C2CD3: variants seen among roughly 807,000 people sequenced by gnomAD.
C2CD3 encodes C2 domain-containing protein 3.
C2CD3 carries 148 observed loss-of-function variants against 234.0 expected under a neutral mutation model. The ratio of observed to expected loss-of-function variants is 0.63; its 90% CI spans 0.55 to 0.72. The LOEUF (loss-of-function observed/expected upper bound fraction) is 0.72. Among genes scored for constraint, C2CD3 ranks in the 30% least tolerant of loss-of-function variants. C2CD3 has a pLI of 0.00. For missense variants in C2CD3, 2,577 were observed against 2,811.5 expected (o/e 0.92, Z 1.89); for synonymous variants, 1,000 against 1,035.4 (o/e 0.97, Z 0.66).
intron 28 of C2CD3, among the ~76,000 whole-genome samples, chr11:74,043,643 T>TC (rs1160185767): frequency 2.0e-5 from 3 of 151,890 alleles, no homozygotes; most frequent in African/African-American, 7.3e-5. Flanking sequence ...GCTTGAGATA[T>TC]CTTTTTTTTT....
intron 24 of C2CD3, among the ~76,000 whole-genome samples, chr11:74,059,433 A>AAAAAAAAAC (rs1954119260): frequency 6.6e-6 from 1 of 150,902 alleles, no homozygotes; most frequent in African/African-American, 2.4e-5. Context: ...AAAAAAAAAA[A>AAAAAAAAAC]AAGAAAGATT....
chr11:74,100,088 C>T (rs1283873645), intron 15 of C2CD3, among the ~76,000 whole-genome samples: 1 of 152,152 alleles, frequency 6.6e-6, no homozygotes, highest in Non-Finnish European at 1.5e-5. Context: ...AGTTCCGTGA[C>T]AGAATGGTAA....
rs763734048 is a variant in C2CD3, at chr11:74,109,119, A to G, written c.1877T>C (p.Val626Ala). 3.8e-6 allele frequency: 6 copies of G among 1,595,508 alleles called. No homozygotes were observed. The South Asian group carries it at 5.6e-5, about 15-fold the overall frequency. The change falls in exon 12 of 33, where the codon GTA (valine) becomes GCA (alanine). Residue 626 changes from valine to alanine, a missense_variant. Transcript: ENST00000334126. ...CTCTATCATTGGGCCACCAAACTGT[A>G]CTGGAAACACAAATCGCTGCTGGAA... The part of the protein sequence containing the change: ...VKFQQRFVFP[V>A]QFGGPMIEHW...
chr11:74,067,785 G>A (rs1954612178), intron 24 of C2CD3, among the ~76,000 whole-genome samples: 1 of 152,176 alleles, frequency 6.6e-6, no homozygotes, highest in Non-Finnish European at 1.5e-5. Flanking sequence ...TTATTGTACA[G>A]ATTGGAAGCA....
chr11:74,086,142 T>A (rs1955631769), intron 20 of C2CD3, among the ~76,000 whole-genome samples: 1 of 152,176 alleles, frequency 6.6e-6, no homozygotes, highest in Non-Finnish European at 1.5e-5. Context: ...GTCCTGTCAA[T>A]GCTCTTAAGT....
At chr11:74,081,714 TC>T (rs549530841) in intron 22 of C2CD3, among the ~76,000 whole-genome samples, 3 of 152,198 alleles carry the variant, frequency 2.0e-5, no homozygotes, top group Admixed American at 6.5e-5. Flanking sequence ...TATAAGAACT[TC>T]AGAACGATTA....
At chr11:74,135,276 T>G (rs1465257744) in intron 5 of C2CD3, among the ~76,000 whole-genome samples, 1 of 152,028 alleles carries the variant, frequency 6.6e-6, no homozygotes, top group Non-Finnish European at 1.5e-5. Context: ...AAACTTTTTT[T>G]TTTTTTTTTG....
At chr11:74,057,581 G>A (rs777751092) in intron 24 of C2CD3, 37 bp from the exon 25 acceptor site, 2 of 1,610,776 alleles carry the variant, frequency 1.2e-6, no homozygotes, top group South Asian at 1.1e-5. Context: ...GTACTTTAGG[G>A]TACACAAGAA....
chr11:74,090,914 C>T lies in C2CD3; in HGVS notation c.3540G>A (p.Arg1180=). 1 of 1,613,980 alleles carries T rather than the reference C, an allele frequency of 6.2e-7. No homozygotes were observed. Among genetic ancestry groups the T allele is most frequent in the Non-Finnish European group, 8.5e-7 (1 of 1,179,936 alleles). Residue 1180 remains arginine (R), a synonymous_variant, in exon 20 of 33, where the codon AGG becomes AGA. Transcript: ENST00000334126. The stretch of plus-strand genomic sequence containing the variant: ...CTGCTGTTCTTGGACTACGCCTGTA[C>T]CTTAGGCCCACATCCAGTAAACCTG... ...QSSGLLDVGL[R]YRRSPRTAEG...
chr11:74,120,034 A>C (rs1957159525), intron 8 of C2CD3, among the ~76,000 whole-genome samples: 1 of 152,156 alleles, frequency 6.6e-6, no homozygotes, highest in Non-Finnish European at 1.5e-5. Context: ...TGCAACTGAA[A>C]AATAAATTTT....
rs1293804774 is a variant in C2CD3, at chr11:74,138,726, G to A, written c.949C>T (p.Leu317Phe). 1 of 1,612,230 alleles carries A rather than the reference G, an allele frequency of 6.2e-7. No homozygotes were observed. The highest frequency in any genetic ancestry group is 2.2e-5 in the East Asian group (1 of 44,872). Residue 317 changes from leucine (L) to phenylalanine (F), a missense_variant, in exon 5 of 33, where the codon CTT (leucine) becomes TTT (phenylalanine). Leu to Phe is a conservative substitution (Grantham distance 22). Coordinates refer to ENST00000334126, the MANE Select transcript of C2CD3 (RefSeq NM_001286577.2). ...SSNNLPTKDLLSALLEQGNKL... is the reference protein window; with the variant it reads ...SSNNLPTKDLFSALLEQGNKL... Reference sequence around the variant, plus strand: ...TTCACAAATACATACATACCTGAAAGAAGATCCTTGGTAGGGAGGTTGTTT... The same window carrying A: ...TTCACAAATACATACATACCTGAAAAAAGATCCTTGGTAGGGAGGTTGTTT...
Position 74,033,955 on chromosome 11 carries a change from T to A in C2CD3, c.6205A>T (p.Ile2069Phe), listed in dbSNP as rs1431935586. ...ATCTCATTTAAGGTCCTGGGCTCAA[T>A]GATGTCTTCTTCATAGTCCTCATCA... is the stretch of plus-strand genomic sequence containing the variant. ...YSDEDYEEDIIEPRTLNEITT... is the reference protein window; with the variant it reads ...YSDEDYEEDIFEPRTLNEITT... Residue 2069 changes from isoleucine (I) to phenylalanine (F), a missense_variant, in exon 31 of 33, where the codon ATT becomes TTT. By Grantham distance (21) the Ile-to-Phe change is conservative. Coordinates refer to ENST00000334126, the MANE Select transcript of C2CD3 (RefSeq NM_001286577.2). The A allele has an allele frequency of 2.0e-6, 3 of 1,536,294 alleles. No individual in the cohort carries two copies. The highest frequency in any genetic ancestry group is 2.6e-6 in the Non-Finnish European group (3 of 1,146,968).
chr11:74,139,876 A>C, intron 3 of C2CD3, 48 bp from the exon 4 acceptor site: 2 of 1,126,990 alleles, frequency 1.8e-6, no homozygotes, highest in Non-Finnish European at 2.7e-6. Context: ...GCATTGATTA[A>C]CTAATTTTAA....
At position 74,080,268 on chromosome 11, in the gene C2CD3, T is replaced by C. The variant is rs571125108; in HGVS notation, c.4001-1551A>G. Among the ~76,000 whole-genome samples, 8 of 152,322 alleles carry C rather than the reference T, an allele frequency of 5.3e-5. No homozygotes were observed. In the East Asian group the frequency reaches 1.3e-3, roughly 26 times the overall value. On this transcript the variant is annotated intron_variant, in intron 22 of 32. Coordinates refer to ENST00000334126, the MANE Select transcript of C2CD3 (RefSeq NM_001286577.2). ...AAGATTACTTAAGGTTTTATGACTT[T>C]TGGACAGGTATTTAACTTTTCTGGG...
chr11:74,087,109 A>C (rs982104297), intron 20 of C2CD3, among the ~76,000 whole-genome samples: 3 of 152,230 alleles, frequency 2.0e-5, no homozygotes, highest in African/African-American at 4.8e-5. Context: ...TCTAAGAAAA[A>C]AAGAAAAACT....
At position 74,095,321 on chromosome 11, in the gene C2CD3, CTGT is replaced by C; in HGVS notation, c.3064_3066del (p.Thr1022del). 1 of 1,613,498 alleles carries C rather than the reference CTGT, an allele frequency of 6.2e-7. No homozygotes were observed. The highest frequency in any genetic ancestry group is 8.5e-7 in the Non-Finnish European group (1 of 1,179,446). The stretch of plus-strand genomic sequence containing the variant: ...ACATAACAATCTGCTTCTCCCCAGA[CTGT>C]TGCCTGAAGAGGGGCTAGCCCTTTA... On this transcript the variant is annotated inframe_deletion, in exon 17 of 33. Coordinates refer to ENST00000334126, the MANE Select transcript of C2CD3 (RefSeq NM_001286577.2).
intron 14 of C2CD3, among the ~76,000 whole-genome samples, chr11:74,102,517 G>A (rs1322550693): frequency 6.6e-6 from 1 of 152,212 alleles, no homozygotes; most frequent in African/African-American, 2.4e-5. Flanking sequence ...TGACCATGGG[G>A]AGAAGTGGGT....
intron 2 of C2CD3, among the ~76,000 whole-genome samples, chr11:74,166,327 A>C (rs970057163): frequency 6.6e-6 from 1 of 150,576 alleles, no homozygotes; most frequent in Non-Finnish European, 1.5e-5. Flanking sequence ...AAAAAAAAAA[A>C]AAAAAAAACC....
chr11:74,170,014 T>G (rs1286316815), intron 1 of C2CD3, among the ~76,000 whole-genome samples: 1 of 152,170 alleles, frequency 6.6e-6, no homozygotes, highest in Non-Finnish European at 1.5e-5. Flanking sequence ...ATGTCAAGTT[T>G]CCTGATCTGC....
Sources: gnomAD v4.1 joint callset for allele counts (sites outside exome capture counted in the v4.1 genomes callset) on GRCh38, gnomAD v4.1.1 for gene constraint, MANE v1.5 for transcripts, NCBI Gene and HGNC (gene_info 2026-07-23, HGNC 2026-07-21) for gene names.